RELN: variants seen among roughly 807,000 people sequenced by gnomAD.
RELN encodes reelin.
Under a neutral mutation model 427.6 loss-of-function variants are expected in RELN, and 108 were observed. The ratio of observed to expected loss-of-function variants is 0.25; its 90% CI spans 0.22 to 0.30. The LOEUF is 0.30. Ranked by LOEUF, RELN falls within the 10% of genes least tolerant of loss-of-function variation. The pLI is 1.00. For missense variants in RELN, 3,715 were observed against 4,302.8 expected, an observed-to-expected ratio of 0.86 and a Z score of 3.82; for synonymous variants, 1,524 against 1,513.4, an observed-to-expected ratio of 1.01 and a Z score of -0.16.
chr7:103,746,439 C>T (rs1351905347), intron 6 of RELN, among the ~76,000 whole-genome samples: 5 of 151,830 alleles, frequency 3.3e-5, no homozygotes, highest in African/African-American at 1.2e-4. Context: ...AACTAAAGAG[C>T]TTCTGCACAG....
rs754029045 is a variant in RELN at position 103,539,300 on chromosome 7, T to G, written c.6958A>C (p.Asn2320His). The G allele has an allele frequency of 2.5e-6, 4 of 1,614,026 alleles. No homozygotes were observed. Among genetic ancestry groups the G allele is most frequent in the Non-Finnish European group, 3.4e-6 (4 of 1,179,938 alleles). Residue 2320 changes from asparagine to histidine, a missense_variant, in exon 45 of 65, where the codon AAT (asparagine) becomes CAT (histidine). By Grantham distance (68) the Asn-to-His change is moderately conservative. Coordinates refer to ENST00000428762, the MANE Select transcript of RELN (RefSeq NM_005045.4). ...QILIGGNISG[N>H]TVLEDDFTTL... The stretch of plus-strand genomic sequence containing the variant: ...GTGAAATCATCTTCCAAGACCGTAT[T>G]ACCAGAAATATTTCCTCCAATAAGA...
Position 103,510,951 on chromosome 7 carries a change from G to T in RELN, c.8174C>A (p.Ser2725Tyr). ...GCCACAGAGCATCACACCATCAGGG[G>T]AGTCACAGAATCTTTCTACTGTACA... Reference protein sequence around the residue: ...DDCTVERFCDSPDGVMLCGSH... With the variant: ...DDCTVERFCDYPDGVMLCGSH... The change falls in exon 51 of 65, where the codon TCC (serine) becomes TAC (tyrosine). Residue 2725 changes from serine (S) to tyrosine (Y), a missense_variant. By Grantham distance (144) the Ser-to-Tyr change is moderately radical. Coordinates refer to ENST00000428762, the MANE Select transcript of RELN (RefSeq NM_005045.4). 6.2e-7 allele frequency: 1 copy of T among 1,612,970 alleles called. No homozygotes were observed. Among genetic ancestry groups the T allele is most frequent in the Non-Finnish European group, 8.5e-7 (1 of 1,179,038 alleles).
chr7:103,496,110 C>T (rs1005388343), intron 56 of RELN, among the ~76,000 whole-genome samples: 5 of 152,096 alleles, frequency 3.3e-5, no homozygotes, highest in African/African-American at 1.2e-4. Flanking sequence ...CAAACTTTGA[C>T]AAGACTATTA....
chr7:103,524,480 T>C (rs1829781187), intron 46 of RELN, among the ~76,000 whole-genome samples: 1 of 152,212 alleles, frequency 6.6e-6, no homozygotes, highest in African/African-American at 2.4e-5. Flanking sequence ...GAGAGTGTCT[T>C]GCTCAAAAAT....
intron 3 of RELN, among the ~76,000 whole-genome samples, chr7:103,817,369 A>G (rs984535549): frequency 6.6e-6 from 1 of 152,168 alleles, no homozygotes; most frequent in African/African-American, 2.4e-5. Flanking sequence ...GCAGATACCC[A>G]GAAGAGGAGG....
At chr7:103,637,965 A>C (rs894163771) in intron 17 of RELN, among the ~76,000 whole-genome samples, 2 of 152,204 alleles carry the variant, frequency 1.3e-5, no homozygotes, top group Non-Finnish European at 2.9e-5. Context: ...GATGACTCAC[A>C]TTGGAGTCAC....
chr7:103,518,055 A>C (rs980449799), intron 49 of RELN, among the ~76,000 whole-genome samples: 2 of 152,172 alleles, frequency 1.3e-5, no homozygotes, highest in Non-Finnish European at 2.9e-5. Context: ...TGAAAGTCAC[A>C]TGCTGAGTGG....
chr7:103,608,084 G>A (rs1831859794), intron 22 of RELN, among the ~76,000 whole-genome samples: 1 of 152,150 alleles, frequency 6.6e-6, no homozygotes, highest in African/African-American at 2.4e-5. Context: ...AATTGCATAT[G>A]TTTAAATCAA....
At position 103,626,542 on chromosome 7, in the gene RELN, C is replaced by A. The variant is rs985837961; in HGVS notation, c.2702+3398G>T. 6.6e-5 allele frequency among the ~76,000 whole-genome samples: 10 copies of A among 152,100 alleles called. No homozygotes were observed. Among genetic ancestry groups the A allele is most frequent in the Middle Eastern group, 3.4e-3 (1 of 294 alleles). ...GTTTGTGTATTTTCAGTAGAGATGG[C>A]GTTTTACCATGTTGGCCAGGCTGGT... On this transcript the variant is annotated intron_variant, in intron 20 of 64. Transcript: ENST00000428762. The surrounding 1 kb of genome is among the most constrained non-coding windows in gnomAD (Gnocchi z 4.4).
At chr7:103,568,677 G>T (rs1830816032) in intron 31 of RELN, among the ~76,000 whole-genome samples, 1 of 152,132 alleles carries the variant, frequency 6.6e-6, no homozygotes, top group Non-Finnish European at 1.5e-5. Flanking sequence ...GTGTGATATT[G>T]GATGTCTGAG....
chr7:103,975,315 C>T lies in RELN; in HGVS notation c.226+13816G>A, dbSNP rs146920961. 3.3e-3 allele frequency among the ~76,000 whole-genome samples: 507 copies of T among 152,272 alleles called. 4 individuals are homozygous for T. The highest frequency in any genetic ancestry group is 0.012 in the African/African-American group (480 of 41,542). On this transcript the variant is annotated intron_variant, in intron 1 of 64. Transcript: ENST00000428762. Reference sequence around the variant, plus strand: ...TTATGCACCTGTTGTGTGCCAGGCACTGTTCTAGGCACTAGGAATAGAAGC... The same window carrying T: ...TTATGCACCTGTTGTGTGCCAGGCATTGTTCTAGGCACTAGGAATAGAAGC...
intron 3 of RELN, among the ~76,000 whole-genome samples, chr7:103,785,774 T>G (rs1490032209): frequency 2.0e-5 from 3 of 152,058 alleles, no homozygotes; most frequent in African/African-American, 7.2e-5. Flanking sequence ...TGATCAACTC[T>G]GTGAAAATAT....
At chr7:103,851,734 G>A (rs1793826678) in intron 2 of RELN, among the ~76,000 whole-genome samples, 1 of 152,076 alleles carries the variant, frequency 6.6e-6, no homozygotes, top group South Asian at 2.1e-4. Flanking sequence ...TCTTTTCCAG[G>A]CAACATACAT....
chr7:103,845,505 C>T (rs1793653218), intron 2 of RELN, among the ~76,000 whole-genome samples: 2 of 152,172 alleles, frequency 1.3e-5, no homozygotes, highest in South Asian at 4.1e-4. Context: ...TGGTTGACCA[C>T]TGTAGCCCAT....
At chr7:103,820,283 C>T (rs1442803847) in intron 3 of RELN, among the ~76,000 whole-genome samples, 2 of 151,958 alleles carry the variant, frequency 1.3e-5, no homozygotes, top group Non-Finnish European at 2.9e-5. Flanking sequence ...TGGTATGATA[C>T]TTAAAAGACT....
chr7:103,516,304 A>G (rs1409901215), intron 49 of RELN, among the ~76,000 whole-genome samples: 1 of 106,936 alleles, frequency 9.4e-6, no homozygotes, highest in Non-Finnish European at 1.8e-5. Flanking sequence ...TTTTTTTTTG[A>G]GACAGAGATC....
chr7:103,860,679 G>T (rs1433562309), intron 2 of RELN, among the ~76,000 whole-genome samples: 1 of 151,974 alleles, frequency 6.6e-6, no homozygotes, highest in Non-Finnish European at 1.5e-5. Context: ...CCAAAGTGCT[G>T]GGATTACAGG....
intron 30 of RELN, 73 bp downstream of exon 30, chr7:103,574,019 A>G: frequency 8.9e-7 from 1 of 1,123,196 alleles, no homozygotes; most frequent in East Asian, 2.3e-5. Context: ...ACAGAACAGA[A>G]TGTTTTAAGT....
intron 38 of RELN, among the ~76,000 whole-genome samples, chr7:103,554,277 T>C (rs1256011754): frequency 6.6e-6 from 1 of 152,010 alleles, no homozygotes; most frequent in Non-Finnish European, 1.5e-5. Context: ...ACTTTGTATA[T>C]TGTCAGTGAT....
Sources: gnomAD v4.1 joint callset for allele counts (sites outside exome capture counted in the v4.1 genomes callset) on GRCh38, gnomAD v4.1.1 for gene constraint, Gnocchi (gnomAD v3.1) non-coding constraint, MANE v1.5 for transcripts, NCBI Gene and HGNC (gene_info 2026-07-23, HGNC 2026-07-21) for gene names.